The following DAO variants were observed in gnomAD, a reference collection of about 807,000 sequenced individuals.
DAO encodes D-amino-acid oxidase.
In DAO, 51 loss-of-function variants were observed where a neutral mutation model predicts 50.1. The ratio of observed to expected loss-of-function variants is 1.02; its 90% CI spans 0.81 to 1.29. DAO has a LOEUF of 1.29. Among genes scored for constraint, DAO ranks in the 50% most tolerant of loss-of-function variants. DAO has a pLI of 0.00. For missense variants in DAO, 436 were observed against 439.4 expected, an observed-to-expected ratio of 0.99 and a Z score of 0.07; for synonymous variants, 160 against 166.2, an observed-to-expected ratio of 0.96 and a Z score of 0.29.
chr12:108,887,875 G>C (rs1056815648), intron 3 of DAO, among the ~76,000 whole-genome samples: 1 of 152,144 alleles, frequency 6.6e-6, no homozygotes, highest in East Asian at 1.9e-4. Flanking sequence ...GAAGCCAAAA[G>C]GTTTCAAGTG....
In DAO at chr12:108,900,395, C is replaced by A; in HGVS notation, c.913-9C>A. 1 of 1,613,872 alleles carries A rather than the reference C, an allele frequency of 6.2e-7. No homozygotes were observed. Among genetic ancestry groups the A allele is most frequent in the South Asian group, 1.1e-5 (1 of 91,048 alleles). ...CGGACCTGGCCACCTTCTCTCTTGC[C>A]TCTCCTAGGTCATCCACAACTATGG... On this transcript the variant is annotated splice_polypyrimidine_tract_variant and intron_variant, in intron 10 of 10. Coordinates refer to ENST00000228476, the MANE Select transcript of DAO (RefSeq NM_001917.5).
At chr12:108,895,410 T>C (rs923306859) in intron 7 of DAO, among the ~76,000 whole-genome samples, 1 of 147,652 alleles carries the variant, frequency 6.8e-6, no homozygotes, top group African/African-American at 2.5e-5. Flanking sequence ...AGGGTGTGTG[T>C]GCATGTGTGT....
At chr12:108,896,535 G>T (rs2039559940) in intron 7 of DAO, among the ~76,000 whole-genome samples, 1 of 151,870 alleles carries the variant, frequency 6.6e-6, no homozygotes, top group African/African-American at 2.4e-5. Flanking sequence ...CTGTTGAAAG[G>T]GCTGGTTTCT....
At position 108,900,467 on chromosome 12, in the gene DAO, G is replaced by A; in HGVS notation, c.976G>A (p.Ala326Thr). The A allele has an allele frequency of 6.2e-7, 1 of 1,614,148 alleles. No individual in the cohort carries two copies. Among genetic ancestry groups the A allele is most frequent in the Non-Finnish European group, 8.5e-7 (1 of 1,180,014 alleles). Residue 326 changes from alanine to threonine, a missense_variant, in exon 11 of 11, where the codon GCA becomes ACA. By Grantham distance (58) the Ala-to-Thr change is moderately conservative. Transcript: ENST00000228476. ...LTIHWGCALEAAKLFGRILEE... is the reference protein window; with the variant it reads ...LTIHWGCALETAKLFGRILEE... ...CATCCACTGGGGATGTGCCCTGGAG[G>A]CAGCCAAGCTCTTTGGGAGAATCCT... is the stretch of plus-strand genomic sequence containing the variant.
intron 2 of DAO, among the ~76,000 whole-genome samples, chr12:108,885,830 C>T (rs1028777727): frequency 6.6e-6 from 1 of 152,220 alleles, no homozygotes; most frequent in Non-Finnish European, 1.5e-5. Context: ...TCCTGGCTCA[C>T]TGCATCCTCT....
At chr12:108,893,084 G>A (rs201696714) in intron 6 of DAO, 48 bp downstream of exon 6, 1 of 1,490,760 alleles carries the variant, frequency 6.7e-7, no homozygotes. Flanking sequence ...GAAGAGGGGA[G>A]GCCTCTGCTT....
At chr12:108,899,594 C>T (rs2039600215) in intron 10 of DAO, 119 bp downstream of exon 10, 2 of 862,448 alleles carry the variant, frequency 2.3e-6, no homozygotes, top group Non-Finnish European at 3.8e-6. Context: ...CAGGCAGGGG[C>T]AGTGGTGGCT....
intron 1 of DAO, 37 bp from the exon 2 acceptor site, chr12:108,884,961 G>A (rs2039418659): frequency 6.3e-7 from 1 of 1,581,856 alleles, no homozygotes; most frequent in Non-Finnish European, 8.7e-7. Context: ...TGGAGATGAT[G>A]GTGATGATGT....
chr12:108,881,507 ACACG>A (rs1484939672), intron 1 of DAO, among the ~76,000 whole-genome samples: 3 of 128,338 alleles, frequency 2.3e-5, no homozygotes, highest in African/African-American at 9.2e-5. Flanking sequence ...ACACACACAC[ACACG>A]TTGCTATAAT....
At chr12:108,894,484 C>A in intron 7 of DAO, 117 bp downstream of exon 7, 2 of 869,744 alleles carry the variant, frequency 2.3e-6, no homozygotes, top group Non-Finnish European at 3.7e-6. Flanking sequence ...ACCCCCCGGA[C>A]TGCAGGGAAT....
chr12:108,896,442 ATT>A (rs2039558238), intron 7 of DAO, among the ~76,000 whole-genome samples: 25 of 149,518 alleles, frequency 1.7e-4, no homozygotes, highest in African/African-American at 6.0e-4. Context: ...AAAAAAAAAA[ATT>A]GAAGGTTTGA....
chr12:108,890,163 C>G (rs2039475586), intron 4 of DAO, 45 bp from the exon 5 acceptor site: 2 of 1,523,012 alleles, frequency 1.3e-6, no homozygotes, highest in Non-Finnish European at 1.8e-6. Flanking sequence ...AAATATAGCT[C>G]TGATTTTTAC....
At chr12:108,881,739 G>A (rs946858743) in intron 1 of DAO, among the ~76,000 whole-genome samples, 2 of 151,460 alleles carry the variant, frequency 1.3e-5, no homozygotes, top group East Asian at 1.9e-4. Context: ...CGAGTAGCTG[G>A]AATTTCAGGC....
chr12:108,880,736 C>T (rs1470973230), intron 1 of DAO, among the ~76,000 whole-genome samples: 1 of 151,654 alleles, frequency 6.6e-6, no homozygotes, highest in African/African-American at 2.4e-5. Flanking sequence ...AAAAAGAAGT[C>T]TTTCATATTC....
rs1593167850 is a variant in DAO, at chr12:108,898,510, G to A, written c.696-169G>A. ...TGTTGATGGAGATGACAACATTGAT[G>A]GAAGTGGTGATGGAAGAGTTCGTTG... On this transcript the variant is annotated intron_variant, in intron 8 of 10. Transcript: ENST00000228476. 1.4e-5 allele frequency: 10 copies of A among 707,724 alleles called. No individual in the cohort carries two copies. In the East Asian group the frequency reaches 2.3e-4, roughly 16 times the overall value. 43.8% of individuals were successfully genotyped at this position (707,724 alleles called of 1,614,324 possible). A position where few individuals can be genotyped will look rare whatever the true frequency, so the allele number is the denominator to read the frequency against.
chr12:108,894,128 T>C, intron 6 of DAO, 135 bp from the exon 7 acceptor site: 1 of 692,358 alleles, frequency 1.4e-6, no homozygotes, highest in Non-Finnish European at 2.5e-6. Flanking sequence ...GCCCCTCTGA[T>C]TCCTCATTGA....
intron 1 of DAO, among the ~76,000 whole-genome samples, chr12:108,884,792 C>T (rs144177494): frequency 6.5e-4 from 99 of 152,236 alleles, no homozygotes; most frequent in African/African-American, 2.3e-3. Context: ...GGCCAAGTCT[C>T]GGTCACTTCT....
intron 10 of DAO, 39 bp from the exon 11 acceptor site, chr12:108,900,365 C>T: frequency 6.2e-7 from 1 of 1,611,492 alleles, no homozygotes; most frequent in East Asian, 2.2e-5. Flanking sequence ...TTCCACTGTC[C>T]CTCTCGGACC....
intron 3 of DAO, 58 bp downstream of exon 3, chr12:108,887,622 T>G (rs879076749): frequency 1.7e-4 from 218 of 1,267,996 alleles, no homozygotes; most frequent in South Asian, 2.3e-4. Context: ...GTAGTGAGGG[T>G]GGGTGCAGCA....
Sources: gnomAD v4.1 joint callset for allele counts (sites outside exome capture counted in the v4.1 genomes callset) on GRCh38, gnomAD v4.1.1 for gene constraint, MANE v1.5 for transcripts, NCBI Gene and HGNC (gene_info 2026-07-23, HGNC 2026-07-21) for gene names.